Variants in REEP1 observed in about 807,000 individuals in gnomAD.
REEP1 encodes the protein receptor expression-enhancing protein 1.
A neutral mutation model predicts 40.3 loss-of-function variants in REEP1; 22 were observed. That is an observed-to-expected ratio of 0.55 (90% confidence interval 0.39 to 0.78). The LOEUF is 0.78. REEP1 is among the 30% of genes least tolerant of loss of function. REEP1 has a pLI of 0.00. For synonymous variants in REEP1, 116 were observed against 139.2 expected, an observed-to-expected ratio of 0.83 and a Z score of 1.17; for missense variants, 280 against 361.1, an observed-to-expected ratio of 0.78 and a Z score of 1.82.
intron 8 of REEP1, among the ~76,000 whole-genome samples, chr2:86,218,204 C>G (rs1233725862): frequency 6.6e-6 from 1 of 152,178 alleles, no homozygotes; most frequent in Non-Finnish European, 1.5e-5. Context: ...CATGCACAAC[C>G]AGGCATCGTC....
At chr2:86,224,401 C>T (rs2103988240) in intron 7 of REEP1, among the ~76,000 whole-genome samples, 1 of 152,348 alleles carries the variant, frequency 6.6e-6, no homozygotes, top group East Asian at 1.9e-4. Context: ...GCCACCACTG[C>T]ACAATCCAGT....
chr2:86,275,207 T>C (rs1677691076), intron 2 of REEP1, among the ~76,000 whole-genome samples: 1 of 151,118 alleles, frequency 6.6e-6, no homozygotes, highest in Admixed American at 6.6e-5. Context: ...TGGATGGCTA[T>C]ATAGTCAGGG....
chr2:86,227,153 G>A (rs1674751841), intron 7 of REEP1, among the ~76,000 whole-genome samples: 1 of 152,222 alleles, frequency 6.6e-6, no homozygotes, highest in Non-Finnish European at 1.5e-5. Flanking sequence ...GAGACCCTGA[G>A]CTAGAACCAC....
intron 1 of REEP1, among the ~76,000 whole-genome samples, chr2:86,328,571 C>T (rs1056245543): frequency 3.3e-5 from 5 of 152,180 alleles, no homozygotes; most frequent in African/African-American, 4.8e-5. Flanking sequence ...CCCGGCTACT[C>T]GGGAGGCTGA....
chr2:86,306,888 G>GAA (rs772994139), intron 1 of REEP1, among the ~76,000 whole-genome samples: 1 of 131,068 alleles, frequency 7.6e-6, no homozygotes. Context: ...GGAGCCAAAA[G>GAA]AAAAAAAAAA....
intron 2 of REEP1, among the ~76,000 whole-genome samples, chr2:86,281,218 C>A (rs1445701392): frequency 6.6e-6 from 1 of 152,194 alleles, no homozygotes; most frequent in African/African-American, 2.4e-5. Flanking sequence ...GTGCCCAACA[C>A]ATTCAGAACT....
intron 7 of REEP1, among the ~76,000 whole-genome samples, chr2:86,225,499 G>A (rs919776405): frequency 1.3e-5 from 2 of 152,178 alleles, no homozygotes; most frequent in Non-Finnish European, 2.9e-5. Context: ...TCGAACTCCC[G>A]ACCTCAAGTG....
At chr2:86,251,112 G>A (rs923284400) in intron 5 of REEP1, among the ~76,000 whole-genome samples, 18 of 152,106 alleles carry the variant, frequency 1.2e-4, no homozygotes, top group African/African-American at 3.6e-4. Context: ...ACCACCAGCC[G>A]AATGTAGGTC....
intron 1 of REEP1, among the ~76,000 whole-genome samples, chr2:86,314,175 G>A (rs1465296895): frequency 6.6e-6 from 1 of 152,294 alleles, no homozygotes; most frequent in Middle Eastern, 3.4e-3. Flanking sequence ...ACTTCACCAA[G>A]CCCCACAGTG....
chr2:86,275,093 T>C (rs1377264023), intron 2 of REEP1, among the ~76,000 whole-genome samples: 3 of 152,166 alleles, frequency 2.0e-5, no homozygotes, highest in African/African-American at 7.2e-5. Flanking sequence ...CCCTCTTGCA[T>C]CTGGGCCCTG....
At chr2:86,280,162 A>G (rs1405169507) in intron 2 of REEP1, 1 of 405,906 alleles carries the variant, frequency 2.5e-6, no homozygotes, top group Non-Finnish European at 4.9e-6. Flanking sequence ...GACTGCAGGA[A>G]GGAAACACAG....
chr2:86,232,317 T>C (rs1675064449), intron 6 of REEP1, among the ~76,000 whole-genome samples: 1 of 152,210 alleles, frequency 6.6e-6, no homozygotes, highest in South Asian at 2.1e-4. Flanking sequence ...TTGTGCCTGC[T>C]GCCTCCAGGC....
chr2:86,334,259 C>G (rs531877205), intron 1 of REEP1, among the ~76,000 whole-genome samples: 3 of 152,290 alleles, frequency 2.0e-5, no homozygotes, highest in Admixed American at 6.5e-5. Context: ...TACCTCTGGT[C>G]GGATGGTTGG....
chr2:86,252,545 G>T (rs1676345087), intron 4 of REEP1, among the ~76,000 whole-genome samples: 1 of 152,192 alleles, frequency 6.6e-6, no homozygotes, highest in African/African-American at 2.4e-5. Flanking sequence ...TACCCAACTT[G>T]CGGAGCATGG....
intron 1 of REEP1, among the ~76,000 whole-genome samples, chr2:86,302,157 T>C (rs1679280260): frequency 6.6e-6 from 1 of 152,150 alleles, no homozygotes; most frequent in Non-Finnish European, 1.5e-5. Context: ...AGCTGTGCAG[T>C]CTCTTCAGGA....
At chr2:86,221,272 A>C (rs1468000965) in intron 7 of REEP1, among the ~76,000 whole-genome samples, 1 of 152,198 alleles carries the variant, frequency 6.6e-6, no homozygotes, top group East Asian at 1.9e-4. Context: ...GTGCTCCCCA[A>C]CAGCCAGCAG....
At chr2:86,314,501 G>A (rs1679903487) in intron 1 of REEP1, among the ~76,000 whole-genome samples, 1 of 151,790 alleles carries the variant, frequency 6.6e-6, no homozygotes, top group Non-Finnish European at 1.5e-5. Flanking sequence ...GCTAGGACAG[G>A]AGGCCTAGCG....
intron 1 of REEP1, among the ~76,000 whole-genome samples, chr2:86,321,717 A>C (rs779555077): frequency 1.6e-4 from 24 of 152,246 alleles, no homozygotes; most frequent in Non-Finnish European, 3.1e-4. Context: ...ACATTGTCTC[A>C]ATGAAAGTGT....
chr2:86,274,930 C>T (rs1368990672), intron 2 of REEP1, among the ~76,000 whole-genome samples: 1 of 152,176 alleles, frequency 6.6e-6, no homozygotes, highest in Non-Finnish European at 1.5e-5. Flanking sequence ...CTGAAATTCC[C>T]TGGTCCATTC....
Sources: gnomAD v4.1 joint callset for allele counts (sites outside exome capture counted in the v4.1 genomes callset) on GRCh38, gnomAD v4.1.1 for gene constraint, MANE v1.5 for transcripts, NCBI Gene and HGNC (gene_info 2026-07-23, HGNC 2026-07-21) for gene names.